The following PBX1 variants were observed in gnomAD, a reference collection of about 807,000 sequenced individuals.
PBX1 encodes PBX homeobox 1, also known as pre-B-cell leukemia transcription factor 1.
Under a neutral mutation model 53.4 loss-of-function variants are expected in PBX1, and 6 were observed. That is an observed-to-expected ratio of 0.11 (90% CI 0.06 to 0.22). PBX1 has a LOEUF of 0.22. PBX1 is among the 10% of genes least tolerant of loss of function. The pLI, the probability that PBX1 is intolerant of heterozygous loss-of-function variation, is 1.00. For missense variants in PBX1, 251 were observed against 551.4 expected, an observed-to-expected ratio of 0.46 and a Z score of 5.46; for synonymous variants, 204 against 212.3, an observed-to-expected ratio of 0.96 and a Z score of 0.34.
chr1:164,694,882 C>T (rs1662720167), intron 2 of PBX1, among the ~76,000 whole-genome samples: 3 of 152,214 alleles, frequency 2.0e-5, no homozygotes. Context: ...CTATCTTTCA[C>T]CCATTCAGCA....
Position 164,847,359 on chromosome 1 carries a change from G to T in PBX1, c.*683G>T. The T allele has an allele frequency of 9.4e-7, 1 of 1,064,852 alleles. No individual in the cohort carries two copies. Among genetic ancestry groups the T allele is most frequent in the Non-Finnish European group, 1.1e-6 (1 of 878,988 alleles). 66.0% of individuals were successfully genotyped at this position (1,064,852 alleles called of 1,614,324 possible). The stretch of plus-strand genomic sequence containing the variant: ...ACATTTTTCAGTTTCATCTCCACTA[G>T]GTTGGTTCCCGGGCAGGAAGTCAGG... On this transcript the variant is annotated 3_prime_UTR_variant, in exon 9 of 9. Coordinates refer to ENST00000420696, the MANE Select transcript of PBX1 (RefSeq NM_002585.4).
chr1:164,692,445 G>C (rs1662544606), intron 2 of PBX1, among the ~76,000 whole-genome samples: 1 of 152,136 alleles, frequency 6.6e-6, no homozygotes, highest in African/African-American at 2.4e-5. Flanking sequence ...AATGAGGCAG[G>C]TTTTCGTGGA....
At chr1:164,687,561 TAAAAA>T (rs5778407) in intron 2 of PBX1, among the ~76,000 whole-genome samples, 9 of 110,474 alleles carry the variant, frequency 8.1e-5, no homozygotes, top group East Asian at 2.7e-4. Context: ...AGACCTTGTC[TAAAAA>T]AAAAAAAAAA....
chr1:164,808,574 C>T (rs1207946204), intron 5 of PBX1, among the ~76,000 whole-genome samples: 1 of 152,104 alleles, frequency 6.6e-6, no homozygotes, highest in East Asian at 1.9e-4. Flanking sequence ...GCTACTGTAG[C>T]GAGAAATTTC....
chr1:164,585,742 G>A (rs1363056515), intron 2 of PBX1, among the ~76,000 whole-genome samples: 1 of 152,162 alleles, frequency 6.6e-6, no homozygotes, highest in African/African-American at 2.4e-5. Context: ...CTGCCATCCT[G>A]ACTTGGGCAT....
Position 164,847,097 on chromosome 1 carries a change from T to G in PBX1, c.*421T>G, listed in dbSNP as rs1360134507. On this transcript the variant is annotated 3_prime_UTR_variant, in exon 9 of 9. Transcript: ENST00000420696. Reference sequence around the variant, plus strand: ...CATGCTGGTGGTTTGAGGAGCCAAATTTACCTCACTCGAATCCCTCACTCC... The same window carrying G: ...CATGCTGGTGGTTTGAGGAGCCAAAGTTACCTCACTCGAATCCCTCACTCC... 9.1e-7 allele frequency: 1 copy of G among 1,094,416 alleles called. No individual in the cohort carries two copies. Among genetic ancestry groups the G allele is most frequent in the Non-Finnish European group, 1.1e-6 (1 of 894,914 alleles). 67.8% of individuals were successfully genotyped at this position (1,094,416 alleles called of 1,614,324 possible).
intron 2 of PBX1, among the ~76,000 whole-genome samples, chr1:164,568,741 A>G (rs1653614324): frequency 6.6e-6 from 1 of 152,186 alleles, no homozygotes; most frequent in South Asian, 2.1e-4. Flanking sequence ...GGGGTAATCG[A>G]TCGTCGCTCA....
chr1:164,689,031 C>T (rs761020030), intron 2 of PBX1, among the ~76,000 whole-genome samples: 10 of 152,246 alleles, frequency 6.6e-5, no homozygotes, highest in East Asian at 1.9e-4. Context: ...AGAGAGGCAA[C>T]GACCTTCCTC....
At chr1:164,751,806 T>G (rs981247122) in intron 2 of PBX1, among the ~76,000 whole-genome samples, 1 of 151,882 alleles carries the variant, frequency 6.6e-6, no homozygotes, top group African/African-American at 2.4e-5. Flanking sequence ...GATCTCAGAC[T>G]CCTCACCTCA....
At chr1:164,883,087 T>C (rs1672699424) in intron 2 of PBX1, among the ~76,000 whole-genome samples, 1 of 152,092 alleles carries the variant, frequency 6.6e-6, no homozygotes, top group Non-Finnish European at 1.5e-5. Context: ...TAGGTGAAAA[T>C]AAAAGGGAAA....
chr1:164,859,459 T>G (rs1050150088), intron 2 of PBX1, among the ~76,000 whole-genome samples: 12 of 152,230 alleles, frequency 7.9e-5, no homozygotes, highest in African/African-American at 2.9e-4. Context: ...CATCTTGACC[T>G]TTAATGACAT....
At chr1:164,820,225 A>C in intron 7 of PBX1, 41 bp downstream of exon 7, 1 of 1,098,278 alleles carries the variant, frequency 9.1e-7, no homozygotes. Context: ...AATGCCTTAG[A>C]GTCCAAGAGC....
At chr1:164,610,029 C>T (rs1656802968) in intron 2 of PBX1, among the ~76,000 whole-genome samples, 1 of 152,108 alleles carries the variant, frequency 6.6e-6, no homozygotes, top group South Asian at 2.1e-4. Context: ...AGGGTTGGTG[C>T]ACATTCACGA....
At chr1:164,635,697 A>G (rs1251389408) in intron 2 of PBX1, among the ~76,000 whole-genome samples, 1 of 152,210 alleles carries the variant, frequency 6.6e-6, no homozygotes, top group East Asian at 1.9e-4. Context: ...AGGGTACATT[A>G]GAGGCATGAT....
intron 2 of PBX1, chr1:164,674,627 C>A (rs1661315601): frequency 6.6e-6 from 1 of 152,130 alleles, no homozygotes; most frequent in Non-Finnish European, 1.5e-5. Context: ...TATTAAGAAG[C>A]TGATGCCAAC....
chr1:164,809,299 A>T (rs546314711), intron 5 of PBX1, among the ~76,000 whole-genome samples: 2 of 152,254 alleles, frequency 1.3e-5, no homozygotes, highest in Non-Finnish European at 2.9e-5. Flanking sequence ...TTCCTTCATT[A>T]TGGAAACTCA....
Position 164,559,678 on chromosome 1 carries a change from C to G in PBX1, c.-145C>G. 2.5e-4 allele frequency: 71 copies of G among 283,740 alleles called. No homozygotes were observed. Among genetic ancestry groups the G allele is most frequent in the East Asian group, 4.2e-4 (5 of 11,772 alleles). The allele number at this position is 283,740 out of a possible 1,614,324, so 17.6% of individuals were successfully genotyped here. On this transcript the variant is annotated 5_prime_UTR_variant, in exon 1 of 9. Transcript: ENST00000420696. ...AAAGAGGCAAAGGGATTTTTTTTTT[C>G]TTTTGGTCTTCTTTTTTCCCCCTTC...
intron 6 of PBX1, 95 bp downstream of exon 6, chr1:164,812,244 G>A (rs1244800937): frequency 3.5e-6 from 4 of 1,158,104 alleles, no homozygotes; most frequent in African/African-American, 1.6e-5. Flanking sequence ...AATTTGTTAG[G>A]CTTTTGATTG....
chr1:164,737,587 G>T (rs1019683165), intron 2 of PBX1, among the ~76,000 whole-genome samples: 1 of 151,122 alleles, frequency 6.6e-6, no homozygotes, highest in Non-Finnish European at 1.5e-5. Flanking sequence ...CAAGAGATTC[G>T]CCTGCCTCAG....
Sources: allele counts gnomAD v4.1 joint callset (sites outside exome capture counted in the v4.1 genomes callset), GRCh38; gene constraint gnomAD v4.1.1; transcripts MANE v1.5; gene names NCBI Gene and HGNC (gene_info 2026-07-23, HGNC 2026-07-21).